PLXNA2: variants seen among roughly 807,000 people sequenced by gnomAD.
The protein encoded by PLXNA2 is plexin A2, also known as plexin-A2.
PLXNA2 carries 91 observed loss-of-function variants against 193.5 expected under a neutral mutation model. That is an observed-to-expected ratio of 0.47 (90% CI 0.40 to 0.56). PLXNA2 has a LOEUF of 0.56. Ranked by LOEUF, PLXNA2 falls within the 20% of genes least tolerant of loss-of-function variation. PLXNA2 has a pLI of 0.00. For missense variants in PLXNA2, 1,995 were observed against 2,503.2 expected (o/e 0.80, Z 4.33); for synonymous variants, 997 against 1,027.3 (o/e 0.97, Z 0.56).
Position 208,027,121 on chromosome 1 carries a change from G to T in PLXNA2, c.*122C>A. On this transcript the variant is annotated 3_prime_UTR_variant, in exon 32 of 32. Coordinates refer to ENST00000367033, the MANE Select transcript of PLXNA2 (RefSeq NM_025179.4). ...GAGAGGAGTCCTCCCCTCTCCCCAG[G>T]ATGGGGTCTCAGGGGACAGCAAGCT... The T allele has an allele frequency of 2.3e-6, 2 of 886,838 alleles. No individual in the cohort carries two copies. Among genetic ancestry groups the T allele is most frequent in the Non-Finnish European group, 3.6e-6 (2 of 558,156 alleles). The allele number at this position is 886,838 out of a possible 1,614,324, so 54.9% of individuals were successfully genotyped here.
In PLXNA2 at chr1:208,028,002, G is replaced by A; in HGVS notation, c.5589+7C>T. The A allele has an allele frequency of 3.2e-6, 5 of 1,567,084 alleles. No homozygotes were observed. Among genetic ancestry groups the A allele is most frequent in the Non-Finnish European group, 4.3e-6 (5 of 1,154,210 alleles). On this transcript the variant is annotated splice_region_variant and intron_variant, in intron 31 of 31. Coordinates refer to ENST00000367033, the MANE Select transcript of PLXNA2 (RefSeq NM_025179.4). The surrounding 1 kb of genome is among the most constrained non-coding windows in gnomAD (Gnocchi z 4.2). ...TGGTTTCTGTCCCTGCTGGGGCCCT[G>A]TCTCACCTCCTCACTATACTTGCTG... is the stretch of plus-strand genomic sequence containing the variant.
chr1:208,195,025 C>T (rs904428763), intron 3 of PLXNA2, among the ~76,000 whole-genome samples: 2 of 152,020 alleles, frequency 1.3e-5, no homozygotes, highest in African/African-American at 4.8e-5. Context: ...TGGTAAGACT[C>T]GAGCTTGACA....
rs1358005371 is a variant in PLXNA2 at position 208,025,947 on chromosome 1, G to T, written c.*1296C>A. ...TGAGGAAGTGCTGTAGGCCCAGATG[G>T]TCAGGAGCTTCCGTATATGAGCGAA... is the stretch of plus-strand genomic sequence containing the variant. On this transcript the variant is annotated 3_prime_UTR_variant, in exon 32 of 32. Transcript: ENST00000367033. The T allele has an allele frequency of 2.0e-4, 31 of 152,656 alleles. No homozygotes were observed. Among genetic ancestry groups the T allele is most frequent in the Admixed American group, 2.0e-3 (31 of 15,290 alleles). The allele number at this position is 152,656 out of a possible 1,614,324, so 9.5% of individuals were successfully genotyped here.
chr1:208,039,057 A>T, intron 24 of PLXNA2, 73 bp from the exon 25 acceptor site: 1 of 1,389,870 alleles, frequency 7.2e-7, no homozygotes, highest in Non-Finnish European at 9.9e-7. Context: ...TCAGGACCTC[A>T]GAATCTTCTT....
At chr1:208,224,663 T>C (rs1002151723) in intron 1 of PLXNA2, among the ~76,000 whole-genome samples, 6 of 152,114 alleles carry the variant, frequency 3.9e-5, no homozygotes, top group African/African-American at 1.4e-4. Flanking sequence ...TGTGCGGTTA[T>C]GTGAAGCGAA....
chr1:208,214,087 C>T (rs1159843961), intron 2 of PLXNA2, among the ~76,000 whole-genome samples: 1 of 152,072 alleles, frequency 6.6e-6, no homozygotes, highest in African/African-American at 2.4e-5. Flanking sequence ...CTCCACCTCT[C>T]CACATTGGTT....
At chr1:208,085,627 C>T (rs1041601141) in intron 9 of PLXNA2, among the ~76,000 whole-genome samples, 4 of 152,222 alleles carry the variant, frequency 2.6e-5, no homozygotes, top group Admixed American at 6.5e-5. Flanking sequence ...TGTGCAATGC[C>T]GGCACAGCCT....
At chr1:208,183,751 T>A (rs774472934) in intron 3 of PLXNA2, among the ~76,000 whole-genome samples, 5 of 152,178 alleles carry the variant, frequency 3.3e-5, no homozygotes, top group Admixed American at 6.5e-5. Context: ...CTGGGGCAGA[T>A]GAAAAAGAAA....
intron 17 of PLXNA2, among the ~76,000 whole-genome samples, chr1:208,050,052 C>G (rs1665205812): frequency 6.6e-6 from 1 of 152,170 alleles, no homozygotes; most frequent in Admixed American, 6.5e-5. Context: ...GACAACATAT[C>G]AGACATTCTA....
At chr1:208,107,244 T>G (rs1188907849) in intron 4 of PLXNA2, among the ~76,000 whole-genome samples, 1 of 152,176 alleles carries the variant, frequency 6.6e-6, no homozygotes, top group Non-Finnish European at 1.5e-5. Context: ...GAAATGGGTC[T>G]TAACAACTCT....
chr1:208,192,141 C>T (rs187222732), intron 3 of PLXNA2, among the ~76,000 whole-genome samples: 10 of 152,282 alleles, frequency 6.6e-5, no homozygotes, highest in South Asian at 4.1e-4. Context: ...AAGACCATGA[C>T]CCTGACTTTG....
At chr1:208,030,096 T>G (rs1664453435) in intron 29 of PLXNA2, 2 of 985,412 alleles carry the variant, frequency 2.0e-6, no homozygotes. Context: ...CCTCAAGCCC[T>G]TCCACGATGA....
intron 9 of PLXNA2, 25 bp from the exon 10 acceptor site, chr1:208,084,605 C>T: frequency 6.2e-7 from 1 of 1,607,406 alleles, no homozygotes; most frequent in Non-Finnish European, 8.5e-7. Flanking sequence ...GAAGAGGCTC[C>T]ATCTGTCCCC....
intron 12 of PLXNA2, among the ~76,000 whole-genome samples, chr1:208,076,055 C>A (rs1166485778): frequency 1.5e-5 from 2 of 133,592 alleles, no homozygotes; most frequent in Non-Finnish European, 3.1e-5. Context: ...GAGACCCTGT[C>A]TCAAAAAAAA....
intron 3 of PLXNA2, among the ~76,000 whole-genome samples, chr1:208,156,680 T>A (rs565138659): frequency 6.6e-6 from 1 of 152,342 alleles, no homozygotes; most frequent in South Asian, 2.1e-4. Context: ...ATTTTAATGC[T>A]CTTATTCTGC....
intron 1 of PLXNA2, among the ~76,000 whole-genome samples, chr1:208,228,313 C>A (rs777866117): frequency 2.3e-4 from 35 of 152,178 alleles, no homozygotes; most frequent in Non-Finnish European, 4.6e-4. Context: ...ATGATGTGCA[C>A]TTTTTAGCAC....
At chr1:208,132,665 T>C (rs889344191) in intron 4 of PLXNA2, among the ~76,000 whole-genome samples, 18 of 152,132 alleles carry the variant, frequency 1.2e-4, no homozygotes, top group African/African-American at 4.3e-4. Flanking sequence ...GTGGTTAAGC[T>C]TTTTTTAGGT....
At chr1:208,092,028 C>T (rs1298728381) in intron 9 of PLXNA2, among the ~76,000 whole-genome samples, 3 of 152,114 alleles carry the variant, frequency 2.0e-5, no homozygotes, top group African/African-American at 7.2e-5. Flanking sequence ...ATCCAACTGG[C>T]CATGCTGGGG....
At chr1:208,051,207 G>C (rs781525019) in intron 16 of PLXNA2, 49 bp downstream of exon 16, 3 of 1,593,872 alleles carry the variant, frequency 1.9e-6, no homozygotes, top group Non-Finnish European at 2.6e-6. Flanking sequence ...GGGCTGCAGG[G>C]ATCATGCTGG....
Sources: allele counts gnomAD v4.1 joint callset (sites outside exome capture counted in the v4.1 genomes callset), GRCh38; gene constraint gnomAD v4.1.1; non-coding constraint Gnocchi (gnomAD v3.1); transcripts MANE v1.5; gene names NCBI Gene and HGNC (gene_info 2026-07-23, HGNC 2026-07-21).